CCSER1: variants seen among roughly 807,000 people sequenced by gnomAD.
The protein encoded by CCSER1 is coiled-coil serine rich protein 1.
CCSER1 carries 41 observed loss-of-function variants against 82.0 expected under a neutral mutation model. That is an observed-to-expected ratio of 0.50 (90% CI 0.39 to 0.65). The LOEUF (loss-of-function observed/expected upper bound fraction) is 0.65. Among genes scored for constraint, CCSER1 ranks in the 30% least tolerant of loss-of-function variants. CCSER1 has a pLI of 0.00. For synonymous variants in CCSER1, 414 were observed against 383.9 expected (o/e 1.08, Z -0.92); for missense variants, 1,119 against 1,064.2 (o/e 1.05, Z -0.72).
At chr4:90,233,504 G>C (rs1011422284) in intron 1 of CCSER1, among the ~76,000 whole-genome samples, 2 of 151,994 alleles carry the variant, frequency 1.3e-5, no homozygotes, top group African/African-American at 2.4e-5. Context: ...GGATAGCATG[G>C]GGAGATATAC....
intron 10 of CCSER1, among the ~76,000 whole-genome samples, chr4:91,097,103 C>T (rs922352984): frequency 8.5e-5 from 13 of 152,086 alleles, no homozygotes; most frequent in African/African-American, 1.4e-4. Flanking sequence ...TTTTTAATGG[C>T]GGATTGTCTT....
intron 10 of CCSER1, among the ~76,000 whole-genome samples, chr4:91,468,392 T>A (rs1031470896): frequency 6.6e-6 from 1 of 151,998 alleles, no homozygotes; most frequent in Non-Finnish European, 1.5e-5. Context: ...TTAGGAGATA[T>A]ACCTAATATA....
At chr4:90,613,053 A>G (rs1720548165) in intron 5 of CCSER1, among the ~76,000 whole-genome samples, 1 of 152,134 alleles carries the variant, frequency 6.6e-6, no homozygotes. Context: ...ACAGGAATAC[A>G]CCCAACGGTA....
At chr4:91,276,443 C>T (rs955625111) in intron 10 of CCSER1, among the ~76,000 whole-genome samples, 2 of 151,576 alleles carry the variant, frequency 1.3e-5, no homozygotes, top group South Asian at 4.2e-4. Flanking sequence ...TCTTTTTCAA[C>T]CAGTTTATGA....
At chr4:91,230,929 A>C (rs890656803) in intron 10 of CCSER1, among the ~76,000 whole-genome samples, 2 of 151,892 alleles carry the variant, frequency 1.3e-5, no homozygotes, top group African/African-American at 4.8e-5. Flanking sequence ...GAAATTCAAA[A>C]GAATTTTAGA....
intron 10 of CCSER1, among the ~76,000 whole-genome samples, chr4:91,548,810 G>A (rs1762016752): frequency 1.3e-5 from 2 of 151,662 alleles, no homozygotes; most frequent in Admixed American, 6.6e-5. Flanking sequence ...TTGATTTTCT[G>A]AAGTTTAAAT....
chr4:90,395,513 G>A (rs1333750593), intron 3 of CCSER1, among the ~76,000 whole-genome samples: 1 of 151,954 alleles, frequency 6.6e-6, no homozygotes, highest in African/African-American at 2.4e-5. Flanking sequence ...TCTCTTAAAT[G>A]TTAAAATTCT....
At chr4:90,192,096 A>T (rs1339723286) in intron 1 of CCSER1, among the ~76,000 whole-genome samples, 2 of 152,074 alleles carry the variant, frequency 1.3e-5, no homozygotes, top group African/African-American at 2.4e-5. Context: ...TTCAAAGGAA[A>T]GAGGTTTAAT....
intron 1 of CCSER1, among the ~76,000 whole-genome samples, chr4:90,143,179 A>G (rs997034149): frequency 6.6e-6 from 1 of 152,120 alleles, no homozygotes; most frequent in Non-Finnish European, 1.5e-5. Flanking sequence ...GTTACTGCAA[A>G]CATCAGTTCC....
chr4:90,752,699 T>G (rs1037901190), intron 7 of CCSER1, among the ~76,000 whole-genome samples: 1 of 152,108 alleles, frequency 6.6e-6, no homozygotes, highest in African/African-American at 2.4e-5. Flanking sequence ...ATATACTCAT[T>G]TCCTGGGTGA....
chr4:91,493,775 GATA>G lies in CCSER1; in HGVS notation c.2218-104794_2218-104792del, dbSNP rs966535349. Among the ~76,000 whole-genome samples the G allele has an allele frequency of 4.6e-5, 7 of 151,502 alleles. No individual in the cohort carries two copies. The Admixed American group carries it at 4.6e-4, about 10-fold the overall frequency. On this transcript the variant is annotated intron_variant, in intron 10 of 10. Coordinates refer to ENST00000509176, the MANE Select transcript of CCSER1 (RefSeq NM_001145065.2). ...TGAGGTGATTCCTTATCAATAAAAT[GATA>G]ATGTCATTAATTTCTTTTCTAGATA...
intron 8 of CCSER1, among the ~76,000 whole-genome samples, chr4:90,918,683 A>G (rs1727902245): frequency 6.6e-6 from 1 of 151,506 alleles, no homozygotes; most frequent in South Asian, 2.1e-4. Flanking sequence ...TTAAAAGCCT[A>G]AAAATTAGGA....
intron 1 of CCSER1, among the ~76,000 whole-genome samples, chr4:90,231,327 C>A (rs1374895866): frequency 6.6e-6 from 1 of 152,000 alleles, no homozygotes. Context: ...ATACGCAAAT[C>A]AATAAATGTA....
In CCSER1 at chr4:90,947,966, C is replaced by T. The variant is rs184643576; in HGVS notation, c.2172+24519C>T. On this transcript the variant is annotated intron_variant, in intron 9 of 10. Transcript: ENST00000509176. ...CTAAATCATGTGTTGTATTTTCAAC[C>T]TTTAAGATATAAAAATATGACCACC... is the stretch of plus-strand genomic sequence containing the variant. 8.5e-5 allele frequency among the ~76,000 whole-genome samples: 13 copies of T among 152,162 alleles called. 1 individual carries two copies. The highest frequency in any genetic ancestry group is 3.1e-4 in the African/African-American group (13 of 41,562).
chr4:91,579,804 C>G (rs1241397015), intron 10 of CCSER1, among the ~76,000 whole-genome samples: 2 of 151,756 alleles, frequency 1.3e-5, no homozygotes, highest in African/African-American at 4.8e-5. Context: ...TCATGAAAAG[C>G]CGAACTCCAA....
chr4:90,451,488 T>G (rs1297330195), intron 4 of CCSER1, among the ~76,000 whole-genome samples: 1 of 152,198 alleles, frequency 6.6e-6, no homozygotes, highest in African/African-American at 2.4e-5. Context: ...TAGCAGATTC[T>G]TACCTGAGAA....
At chr4:91,275,799 G>T (rs1315585484) in intron 10 of CCSER1, among the ~76,000 whole-genome samples, 1 of 152,104 alleles carries the variant, frequency 6.6e-6, no homozygotes. Flanking sequence ...TCAGCTTTTA[G>T]ATTTAAGTCT....
At chr4:90,567,027 A>G (rs564890415) in intron 5 of CCSER1, among the ~76,000 whole-genome samples, 2 of 110,576 alleles carry the variant, frequency 1.8e-5, no homozygotes, top group East Asian at 5.5e-4. Flanking sequence ...AAAAAAAACA[A>G]AAACAAAAAC....
intron 5 of CCSER1, among the ~76,000 whole-genome samples, chr4:90,524,487 TG>T (rs1396032518): frequency 4.6e-5 from 7 of 152,156 alleles, no homozygotes; most frequent in South Asian, 2.1e-4. Flanking sequence ...TGTTTGTTTT[TG>T]AGATGGAGTC....
Sources: gnomAD v4.1 joint callset for allele counts (sites outside exome capture counted in the v4.1 genomes callset) on GRCh38, gnomAD v4.1.1 for gene constraint, MANE v1.5 for transcripts, NCBI Gene and HGNC (gene_info 2026-07-23, HGNC 2026-07-21) for gene names.